The following TBC1D9 variants were observed in gnomAD, a reference collection of about 807,000 sequenced individuals.
TBC1D9 encodes the protein TBC1 domain family member 9, also known as TBC1 domain family member 9A.
Under a neutral mutation model 132.0 loss-of-function variants are expected in TBC1D9, and 63 were observed. That is an observed-to-expected ratio of 0.48 (90% CI 0.39 to 0.59). TBC1D9 has a LOEUF of 0.59. Among genes scored for constraint, TBC1D9 ranks in the 20% least tolerant of loss-of-function variants. The pLI is 0.00. For synonymous variants in TBC1D9, 610 were observed against 609.9 expected (o/e 1.00, Z 0.00); for missense variants, 1,261 against 1,592.7 (o/e 0.79, Z 3.54).
Position 140,676,240 on chromosome 4 carries a change from C to T in TBC1D9, c.1059+654G>A, listed in dbSNP as rs550737942. Among the ~76,000 whole-genome samples, 40 of 152,348 alleles carry T rather than the reference C, an allele frequency of 2.6e-4. No individual in the cohort carries two copies. The South Asian group carries it at 5.4e-3, about 21-fold the overall frequency. On this transcript the variant is annotated intron_variant, in intron 6 of 20. Coordinates refer to ENST00000442267, the MANE Select transcript of TBC1D9 (RefSeq NM_015130.3). ...GCCTCCTCTGACCATGGTGCTTCCA[C>T]GTGTGGCCCAGCACATCGCGTGGCA...
intron 18 of TBC1D9, among the ~76,000 whole-genome samples, chr4:140,625,675 G>A (rs886276809): frequency 2.0e-5 from 3 of 152,154 alleles, no homozygotes; most frequent in Non-Finnish European, 4.4e-5. Flanking sequence ...TGTATGGTAA[G>A]TCCATGCAAT....
intron 4 of TBC1D9, 31 bp downstream of exon 4, chr4:140,679,584 A>C: frequency 2.6e-6 from 4 of 1,560,508 alleles, no homozygotes; most frequent in Non-Finnish European, 3.5e-6. Flanking sequence ...AGACTTTCCA[A>C]AGTTTCCTGC....
chr4:140,628,200 G>C (rs907386231), intron 17 of TBC1D9, 100 bp downstream of exon 17: 1 of 924,508 alleles, frequency 1.1e-6, no homozygotes, highest in Admixed American at 1.9e-5. Flanking sequence ...ATGAATGATG[G>C]TGTATATCAA....
In TBC1D9 at chr4:140,639,137, T is replaced by C. The variant is rs1163548168; in HGVS notation, c.2454A>G (p.Thr818=). 1 of 1,586,272 alleles carries C rather than the reference T, an allele frequency of 6.3e-7. No homozygotes were observed. Among genetic ancestry groups the C allele is most frequent in the Non-Finnish European group, 8.6e-7 (1 of 1,164,806 alleles). The stretch of plus-strand genomic sequence containing the variant: ...GCTCATCAATGGTAAAGGAAGTTTC[T>C]GTCACAATGGTTCGTACCTATAAAA... ...TKRNVVRTIV[T]ETSFTIDELE... The change falls in exon 15 of 21, where the codon ACA becomes ACG. Residue 818 remains threonine, a synonymous_variant. Coordinates refer to ENST00000442267, the MANE Select transcript of TBC1D9 (RefSeq NM_015130.3).
At chr4:140,695,217 G>T (rs1257578310) in intron 2 of TBC1D9, among the ~76,000 whole-genome samples, 1 of 152,124 alleles carries the variant, frequency 6.6e-6, no homozygotes, top group Non-Finnish European at 1.5e-5. Context: ...CTGAGAACTT[G>T]GTCTGAGCAC....
chr4:140,729,579 G>T (rs529080093), intron 1 of TBC1D9, among the ~76,000 whole-genome samples: 2 of 152,116 alleles, frequency 1.3e-5, no homozygotes, highest in East Asian at 3.9e-4. Flanking sequence ...TCCCCTTTTG[G>T]GAGGGTAAGG....
intron 2 of TBC1D9, among the ~76,000 whole-genome samples, chr4:140,688,060 G>A (rs906943979): frequency 6.6e-6 from 1 of 151,988 alleles, no homozygotes; most frequent in Non-Finnish European, 1.5e-5. Context: ...CTGCACTCCA[G>A]CTTTGACAAT....
At chr4:140,642,664 C>T in intron 13 of TBC1D9, 1 of 688,790 alleles carries the variant, frequency 1.5e-6, no homozygotes, top group South Asian at 1.9e-5. Flanking sequence ...AAGTCTGGTT[C>T]CTCTCCCTGG....
chr4:140,637,468 TCA>T (rs1386794031), intron 15 of TBC1D9, among the ~76,000 whole-genome samples: 2 of 152,302 alleles, frequency 1.3e-5, no homozygotes, highest in African/African-American at 4.8e-5. Context: ...CTGTCCGCTG[TCA>T]CAGTCCTTTC....
intron 16 of TBC1D9, among the ~76,000 whole-genome samples, chr4:140,631,409 A>G (rs1736793730): frequency 6.6e-6 from 1 of 151,982 alleles, no homozygotes; most frequent in African/African-American, 2.4e-5. Context: ...TTTTTAGTAG[A>G]GACGGGTTTC....
chr4:140,716,574 T>A (rs141825443), intron 1 of TBC1D9, among the ~76,000 whole-genome samples: 2,067 of 152,248 alleles, frequency 0.014, 17 homozygotes, highest in Non-Finnish European at 0.019. Flanking sequence ...TTGGGGGCCC[T>A]TCTTTGCAAA....
intron 1 of TBC1D9, among the ~76,000 whole-genome samples, chr4:140,708,485 T>C (rs577238183): frequency 6.7e-4 from 102 of 152,288 alleles, no homozygotes; most frequent in African/African-American, 2.2e-3. Flanking sequence ...CAATTGTCAA[T>C]AAACAAGAAA....
At position 140,701,620 on chromosome 4, in the gene TBC1D9, G is replaced by T; in HGVS notation, c.131-6C>A. ...AAGGGTACCCACCAGCAGGCCTGAG[G>T]GTGGAAAGTGGGGAGAAACAGGTAA... On this transcript the variant is annotated splice_region_variant and splice_polypyrimidine_tract_variant and intron_variant, in intron 1 of 20. Transcript: ENST00000442267. The T allele has an allele frequency of 6.2e-7, 1 of 1,611,920 alleles. No individual in the cohort carries two copies. Among genetic ancestry groups the T allele is most frequent in the Non-Finnish European group, 8.5e-7 (1 of 1,178,152 alleles).
chr4:140,633,994 T>G lies in TBC1D9; in HGVS notation c.2700A>C (p.Glu900Asp). ...LASRLFQLLD[E>D]NGDSLINFRE... ...GGAAGTTAATCAAAGAGTCTCCATT[T>G]TCATCTAATAACTGGAACAAGCGGG... Residue 900 changes from glutamate (E) to aspartate (D), a missense_variant, in exon 16 of 21, where the codon GAA becomes GAC. Physicochemically the swap from Glu to Asp is conservative, Grantham distance 45. Around this residue, in one of 3 missense-constraint regions of TBC1D9, gnomAD observed 618 missense variants for 724.4 expected, o/e 0.85. Transcript: ENST00000442267. 2 of 1,613,950 alleles carry G rather than the reference T, an allele frequency of 1.2e-6. No homozygotes were observed. Among genetic ancestry groups the G allele is most frequent in the Non-Finnish European group, 1.7e-6 (2 of 1,179,888 alleles).
chr4:140,706,579 A>T lies in TBC1D9; in HGVS notation c.131-4965T>A, dbSNP rs1446705666. On this transcript the variant is annotated intron_variant, in intron 1 of 20. Transcript: ENST00000442267. The surrounding 1 kb of genome is among the most constrained non-coding windows in gnomAD (Gnocchi z 4.0). ...TATTTTTTTTTTTAACAGAAAGAAA[A>T]GGTAACAGCCACAGTGAGGTTCCCT... Among the ~76,000 whole-genome samples, 2 of 152,080 alleles carry T rather than the reference A, an allele frequency of 1.3e-5. No individual in the cohort carries two copies. The highest frequency in any genetic ancestry group is 2.9e-5 in the Non-Finnish European group (2 of 68,008).
intron 9 of TBC1D9, among the ~76,000 whole-genome samples, chr4:140,668,522 A>T (rs1391350087): frequency 6.6e-6 from 1 of 152,114 alleles, no homozygotes; most frequent in African/African-American, 2.4e-5. Flanking sequence ...TCCCCACCCG[A>T]TGACTGCTCT....
intron 2 of TBC1D9, among the ~76,000 whole-genome samples, chr4:140,693,031 AAAAAAACAAC>A (rs1343616088): frequency 2.0e-5 from 3 of 151,824 alleles, no homozygotes; most frequent in Admixed American, 6.6e-5. Flanking sequence ...CTGTTTCAAA[AAAAAAACAAC>A]AAAAAACAAC....
At chr4:140,717,348 T>TA (rs535971437) in intron 1 of TBC1D9, among the ~76,000 whole-genome samples, 379 of 152,274 alleles carry the variant, frequency 2.5e-3, no homozygotes, top group Admixed American at 4.3e-3. Context: ...TTTCCAGTTA[T>TA]AAAAACAACA....
chr4:140,704,733 T>C (rs911685374), intron 1 of TBC1D9, among the ~76,000 whole-genome samples: 2 of 152,178 alleles, frequency 1.3e-5, no homozygotes, highest in African/African-American at 4.8e-5. Context: ...ACCACCACAA[T>C]GTTCCCAACT....
Sources: gnomAD v4.1 joint callset for allele counts (sites outside exome capture counted in the v4.1 genomes callset) on GRCh38, gnomAD v4.1.1 for gene constraint, gnomAD v4.1.1 regional missense constraint, Gnocchi (gnomAD v3.1) non-coding constraint, MANE v1.5 for transcripts, NCBI Gene and HGNC (gene_info 2026-07-23, HGNC 2026-07-21) for gene names.